SLC68A1: variants seen among roughly 807,000 people sequenced by gnomAD.
SLC68A1 encodes solute carrier family 68 member 1, also known as major facilitator superfamily domain containing 13A.
chr10:102,464,867 C>G, the SLC68A1 span, among the ~76,000 whole-genome samples: 4 of 151,808 alleles, frequency 2.6e-5, no homozygotes, highest in African/African-American at 9.7e-5. Context: ...ACCTGTAATC[C>G]CAACACTTTG....
At chr10:102,476,867 G>GT in the SLC68A1 span, 2 of 985,584 alleles carry the variant, frequency 2.0e-6, no homozygotes. Context: ...AAAGCTGACT[G>GT]TAAGTCCCAC....
At chr10:102,465,009 C>T in the SLC68A1 span, among the ~76,000 whole-genome samples, 2 of 151,730 alleles carry the variant, frequency 1.3e-5, no homozygotes, top group Non-Finnish European at 2.9e-5. Context: ...AATCCCAGTA[C>T]TTTGGGAGGC....
chr10:102,461,799 TG>T, the SLC68A1 span: 1 of 152,262 alleles, frequency 6.6e-6, no homozygotes, highest in East Asian at 1.9e-4. Flanking sequence ...CATTTAACCC[TG>T]GTGGCACTTG....
At chr10:102,472,247 G>T in the SLC68A1 span, 1 of 287,734 alleles carries the variant, frequency 3.5e-6, no homozygotes, top group Non-Finnish European at 6.8e-6. Context: ...TTCATGTTAT[G>T]AAATTTGTTT....
At chr10:102,469,132 C>G in the SLC68A1 span, 2 of 1,614,160 alleles carry the variant, frequency 1.2e-6, no homozygotes, top group Middle Eastern at 1.6e-4. Flanking sequence ...TGTCTTCCTG[C>G]TCTACTATGT....
the SLC68A1 span, chr10:102,471,207 C>G: frequency 4.4e-6 from 7 of 1,601,722 alleles, no homozygotes; most frequent in Non-Finnish European, 3.4e-6. Flanking sequence ...GGGGGCTGCC[C>G]TGGGATGTGT....
chr10:102,472,043 A>G, the SLC68A1 span: 12 of 455,638 alleles, frequency 2.6e-5, no homozygotes, highest in African/African-American at 2.2e-4. Context: ...CACGCCTGTA[A>G]TCCCAGCACT....
chr10:102,465,574 G>C, the SLC68A1 span, among the ~76,000 whole-genome samples: 1 of 152,224 alleles, frequency 6.6e-6, no homozygotes, highest in East Asian at 1.9e-4. Flanking sequence ...GGCTCAGGGA[G>C]AGGGAGTGAC....
chr10:102,476,992 A>G, the SLC68A1 span: 1 of 985,784 alleles, frequency 1.0e-6, no homozygotes, highest in Non-Finnish European at 1.2e-6. Context: ...CACGGCCTCT[A>G]AAGATGTTTA....
At chr10:102,471,459 C>A in the SLC68A1 span, 3 of 1,583,618 alleles carry the variant, frequency 1.9e-6, no homozygotes, top group Non-Finnish European at 2.6e-6. Flanking sequence ...GGGACAGACT[C>A]CTCAAGAGCT....
At chr10:102,465,112 G>C in the SLC68A1 span, among the ~76,000 whole-genome samples, 1 of 152,030 alleles carries the variant, frequency 6.6e-6, no homozygotes, top group African/African-American at 2.4e-5. Context: ...AAAAAAATTT[G>C]CCGAGTGTGG....
At chr10:102,469,208 T>G in the SLC68A1 span, 1 of 1,613,560 alleles carries the variant, frequency 6.2e-7, no homozygotes, top group Non-Finnish European at 8.5e-7. Flanking sequence ...GTAGGGCCAG[T>G]GCTGGGTGGC....
the SLC68A1 span, chr10:102,468,338 T>C: frequency 6.6e-6 from 1 of 152,214 alleles, no homozygotes; most frequent in Non-Finnish European, 1.5e-5. Flanking sequence ...TTACTGTAAG[T>C]GCATTGTGTG....
At chr10:102,464,341 T>C in the SLC68A1 span, among the ~76,000 whole-genome samples, 1 of 151,788 alleles carries the variant, frequency 6.6e-6, no homozygotes, top group Non-Finnish European at 1.5e-5. Flanking sequence ...ATCCCAACCA[T>C]TTGGGAGGCT....
At chr10:102,468,810 T>G in the SLC68A1 span, 2 of 533,716 alleles carry the variant, frequency 3.7e-6, no homozygotes, top group African/African-American at 3.8e-5. Flanking sequence ...GCACTGTTTC[T>G]GTTATACTTC....
chr10:102,473,706 G>A, the SLC68A1 span: 8 of 1,613,974 alleles, frequency 5.0e-6, no homozygotes, highest in East Asian at 4.5e-5. Context: ...TGGCCGGCCC[G>A]GACCACCTCA....
At chr10:102,471,360 GA>G in the SLC68A1 span, 3 of 1,613,614 alleles carry the variant, frequency 1.9e-6, no homozygotes, top group Non-Finnish European at 2.5e-6. Context: ...CACGCCATCG[GA>G]ACTTCCTGTG....
chr10:102,463,699 C>T, the SLC68A1 span, among the ~76,000 whole-genome samples: 5 of 152,160 alleles, frequency 3.3e-5, no homozygotes, highest in African/African-American at 4.8e-5. Context: ...CCAGCACCTA[C>T]TAGCTTTGTA....
the SLC68A1 span, among the ~76,000 whole-genome samples, chr10:102,464,324 G>A: frequency 2.6e-5 from 4 of 152,168 alleles, no homozygotes; most frequent in South Asian, 2.1e-4. Context: ...GGTGGCGCAC[G>A]CCTGTGATCC....
Sources: allele counts gnomAD v4.1 joint callset (sites outside exome capture counted in the v4.1 genomes callset), GRCh38; gene constraint gnomAD v4.1.1; transcripts MANE v1.5; gene names NCBI Gene and HGNC (gene_info 2026-07-23, HGNC 2026-07-21).